Variants in DCX observed in about 807,000 individuals in gnomAD.
DCX encodes the protein neuronal migration protein doublecortin.
DCX carries 4 observed loss-of-function variants against 20.9 expected under a neutral mutation model. The ratio of observed to expected loss-of-function variants is 0.19; its 90% CI spans 0.09 to 0.44. DCX has a LOEUF of 0.44. Ranked by LOEUF, DCX falls within the 20% of genes least tolerant of loss-of-function variation. The pLI is 0.99. For synonymous variants in DCX, 103 were observed against 111.4 expected (o/e 0.92, Z 0.47); for missense variants, 133 against 296.9 (o/e 0.45, Z 4.06).
intron 6 of DCX, among the ~76,000 whole-genome samples, chrX:111,310,682 A>G (rs1438265939): frequency 8.9e-6 from 1 of 112,497 alleles, no homozygotes; most frequent in African/African-American, 3.2e-5. Context: ...TGTCTTTAAA[A>G]AGAGTAATTT....
intron 3 of DCX, among the ~76,000 whole-genome samples, chrX:111,336,647 G>A (rs888776786): frequency 1.8e-5 from 2 of 112,049 alleles, no homozygotes; most frequent in Non-Finnish European, 3.8e-5. Context: ...TCATGGCAGA[G>A]TTGGGACTAG....
At chrX:111,376,901 A>G (rs1375041595) in intron 3 of DCX, among the ~76,000 whole-genome samples, 1 of 112,420 alleles carries the variant, frequency 8.9e-6, no homozygotes. Flanking sequence ...AAATAAAAAT[A>G]CAGGATGCCC....
At chrX:111,365,308 A>C (rs1312931570) in intron 3 of DCX, among the ~76,000 whole-genome samples, 2 of 109,524 alleles carry the variant, frequency 1.8e-5, no homozygotes, top group Admixed American at 2.0e-4. Flanking sequence ...AATTATATTA[A>C]AATTTTGTGT....
intron 2 of DCX, among the ~76,000 whole-genome samples, chrX:111,409,285 C>T (rs1169710295): frequency 1.8e-5 from 2 of 111,504 alleles, no homozygotes; most frequent in Non-Finnish European, 3.8e-5. Flanking sequence ...AGGATTTTCC[C>T]TATTTTGAGG....
intron 3 of DCX, among the ~76,000 whole-genome samples, chrX:111,342,339 T>TTTTATATATA (rs1922326881): frequency 4.8e-5 from 1 of 20,730 alleles, no homozygotes; most frequent in Non-Finnish European, 1.2e-4. Flanking sequence ...GAGCTAACTA[T>TTTTATATATA]TATATATATA....
chrX:111,388,812 T>C (rs746917551), intron 3 of DCX, among the ~76,000 whole-genome samples: 2 of 112,107 alleles, frequency 1.8e-5, no homozygotes, highest in Non-Finnish European at 3.8e-5. Context: ...ACTCAGAAAA[T>C]GTCTGATTTA....
In DCX at chrX:111,296,765, CAAAAAAA is replaced by C. The variant is rs748055520; in HGVS notation, c.*4915_*4921del. On this transcript the variant is annotated 3_prime_UTR_variant, in exon 7 of 7. Transcript: ENST00000636035. The stretch of plus-strand genomic sequence containing the variant: ...CCTAGGTGACAGAGGGAGACTCAGT[CAAAAAAA>C]AAAAAAAAAAAAAGTTAGTCTTGTC... 5.3e-5 allele frequency: 2 copies of C among 37,693 alleles called. No homozygotes were observed. The highest frequency in any genetic ancestry group is 1.1e-4 in the Non-Finnish European group (2 of 18,252). The allele number at this position is 37,693 out of a possible 1,213,427, so 3.1% of individuals were successfully genotyped here.
chrX:111,318,361 T>TATA (rs201675196), intron 5 of DCX, among the ~76,000 whole-genome samples: 10,959 of 100,019 alleles, frequency 0.11, 1,327 homozygotes, highest in African/African-American at 0.33. Context: ...AAACTTAAAG[T>TATA]ATAATAATAA....
chrX:111,337,472 T>A (rs1921842471), intron 3 of DCX, among the ~76,000 whole-genome samples: 1 of 111,508 alleles, frequency 9.0e-6, no homozygotes, highest in South Asian at 3.8e-4. Flanking sequence ...GATAGTCCAG[T>A]GGCTTAAATG....
At chrX:111,326,832 A>T (rs1190589592) in intron 5 of DCX, among the ~76,000 whole-genome samples, 1 of 112,017 alleles carries the variant, frequency 8.9e-6, no homozygotes, top group Non-Finnish European at 1.9e-5. Context: ...GAAAGGGACA[A>T]CTTAAGGTCT....
At chrX:111,334,147 T>C (rs1921512333) in intron 3 of DCX, among the ~76,000 whole-genome samples, 1 of 112,305 alleles carries the variant, frequency 8.9e-6, no homozygotes, top group Non-Finnish European at 1.9e-5. Flanking sequence ...CAGAGAGCAA[T>C]ATGTTACATT....
intron 3 of DCX, among the ~76,000 whole-genome samples, chrX:111,370,003 A>G (rs768291002): frequency 7.2e-4 from 80 of 111,758 alleles, no homozygotes; most frequent in Non-Finnish European, 1.2e-3. Context: ...AAAATAAATA[A>G]GACCATTTCC....
intron 3 of DCX, among the ~76,000 whole-genome samples, chrX:111,390,389 C>A (rs1194537108): frequency 8.9e-6 from 1 of 112,011 alleles, no homozygotes; most frequent in Non-Finnish European, 1.9e-5. Flanking sequence ...ACCTACGGAA[C>A]TGTGACATAA....
In DCX at chrX:111,300,743, T is replaced by C. The variant is rs1439508669; in HGVS notation, c.*944A>G. ...CAGACATGAATTTTTATAAAAAGGA[T>C]ATTGATTTCTTGCTATAAAAAGAGA... On this transcript the variant is annotated 3_prime_UTR_variant, in exon 7 of 7. Coordinates refer to ENST00000636035, the MANE Select transcript of DCX (RefSeq NM_001195553.2). The C allele has an allele frequency of 9.0e-6, 1 of 111,159 alleles. No homozygotes were observed. Among genetic ancestry groups the C allele is most frequent in the Non-Finnish European group, 1.9e-5 (1 of 53,029 alleles). 9.2% of individuals were successfully genotyped at this position (111,159 alleles called of 1,213,427 possible). A position where few individuals can be genotyped will look rare whatever the true frequency, so the allele number is the denominator to read the frequency against.
chrX:111,382,312 A>G (rs1471309002), intron 3 of DCX, among the ~76,000 whole-genome samples: 4 of 111,983 alleles, frequency 3.6e-5, no homozygotes, highest in African/African-American at 6.5e-5. Context: ...CTAGACCTGG[A>G]TGTTATCAGA....
At position 111,299,507 on chromosome X, in the gene DCX, A is replaced by G. The variant is rs1298130360; in HGVS notation, c.*2180T>C. 1 of 111,106 alleles carries G rather than the reference A, an allele frequency of 9.0e-6. No homozygotes were observed. The highest frequency in any genetic ancestry group is 9.6e-5 in the Admixed American group (1 of 10,382). The allele number at this position is 111,106 out of a possible 1,213,427, so 9.2% of individuals were successfully genotyped here. A position where few individuals can be genotyped will look rare whatever the true frequency, so the allele number is the denominator to read the frequency against. On this transcript the variant is annotated 3_prime_UTR_variant, in exon 7 of 7. Transcript: ENST00000636035. ...AAAGGTGATGGACTAAATGAGACCT[A>G]AAGTGAGACTATGGGTGGAGTCATT...
At position 111,296,988 on chromosome X, in the gene DCX, G is replaced by C. The variant is rs1216151754; in HGVS notation, c.*4699C>G. 1 of 110,568 alleles carries C rather than the reference G, an allele frequency of 9.0e-6. No individual in the cohort carries two copies. The highest frequency in any genetic ancestry group is 9.6e-5 in the Admixed American group (1 of 10,366). The allele number at this position is 110,568 out of a possible 1,213,427, so 9.1% of individuals were successfully genotyped here. On this transcript the variant is annotated 3_prime_UTR_variant, in exon 7 of 7. Coordinates refer to ENST00000636035, the MANE Select transcript of DCX (RefSeq NM_001195553.2). The stretch of plus-strand genomic sequence containing the variant: ...GAGGGAAGGCACCTTTTCCTGAAGG[G>C]ATAGATGGGGCAACATTCTCATGCC...
intron 3 of DCX, among the ~76,000 whole-genome samples, chrX:111,353,404 G>T (rs765686979): frequency 8.9e-6 from 1 of 111,780 alleles, no homozygotes; most frequent in Non-Finnish European, 1.9e-5. Context: ...AGTGCTATAT[G>T]AATACAGATT....
rs902646225 is a variant in DCX, at chrX:111,298,432, A to G, written c.*3255T>C. 1.8e-5 allele frequency: 2 copies of G among 112,013 alleles called. No individual in the cohort carries two copies. The highest frequency in any genetic ancestry group is 5.7e-4 in the East Asian group (2 of 3,525). The allele number at this position is 112,013 out of a possible 1,213,427, so 9.2% of individuals were successfully genotyped here. ...TATTAGGTTGCTGGGTGGATTTCCC[A>G]CTGAGATCAGGGCAGCAGCATGTGG... On this transcript the variant is annotated 3_prime_UTR_variant, in exon 7 of 7. Coordinates refer to ENST00000636035, the MANE Select transcript of DCX (RefSeq NM_001195553.2).
Sources: allele counts gnomAD v4.1 joint callset (sites outside exome capture counted in the v4.1 genomes callset), GRCh38; gene constraint gnomAD v4.1.1; transcripts MANE v1.5; gene names NCBI Gene and HGNC (gene_info 2026-07-23, HGNC 2026-07-21).